The following TASP1 variants were observed in gnomAD, a reference collection of about 807,000 sequenced individuals.
TASP1 encodes taspase 1, also known as threonine aspartase 1.
Under a neutral mutation model 56.6 loss-of-function variants are expected in TASP1, and 16 were observed. That is an observed-to-expected ratio of 0.28 (90% CI 0.19 to 0.43). The LOEUF (loss-of-function observed/expected upper bound fraction) is 0.43. TASP1 is among the 20% of genes least tolerant of loss of function. The pLI, the probability that TASP1 is intolerant of heterozygous loss-of-function variation, is 1.00. For synonymous variants in TASP1, 179 were observed against 184.2 expected, an observed-to-expected ratio of 0.97 and a Z score of 0.23; for missense variants, 393 against 511.6, an observed-to-expected ratio of 0.77 and a Z score of 2.24.
intron 4 of TASP1, among the ~76,000 whole-genome samples, chr20:13,592,953 C>T (rs545773544): frequency 1.9e-4 from 29 of 152,020 alleles, no homozygotes; most frequent in Non-Finnish European, 3.5e-4. Context: ...AAGAACAATA[C>T]ATTATAGCCA....
intron 4 of TASP1, chr20:13,616,824 T>G: frequency 1.3e-5 from 4 of 301,472 alleles, no homozygotes; most frequent in South Asian, 1.1e-4. Context: ...GCATCAGTAC[T>G]CAAAAAAGTG....
At chr20:13,491,476 G>A (rs563156137) in intron 10 of TASP1, among the ~76,000 whole-genome samples, 1 of 152,266 alleles carries the variant, frequency 6.6e-6, no homozygotes, top group South Asian at 2.1e-4. Flanking sequence ...GAGTACACGA[G>A]TTGATCAGAG....
Position 13,469,153 on chromosome 20 carries a change from T to C in TASP1, c.985+14074A>G, listed in dbSNP as rs191446953. Reference sequence around the variant, plus strand: ...TTTTGTTTTGCCTTTGTTAGTACTATGCTTATTATTTGCTTTCCAACCAAA... The same window carrying C: ...TTTTGTTTTGCCTTTGTTAGTACTACGCTTATTATTTGCTTTCCAACCAAA... On this transcript the variant is annotated intron_variant, in intron 11 of 13. Coordinates refer to ENST00000337743, the MANE Select transcript of TASP1 (RefSeq NM_017714.3). Among the ~76,000 whole-genome samples the C allele has an allele frequency of 4.0e-3, 602 of 152,338 alleles. 4 individuals carry two copies. The highest frequency in any genetic ancestry group is 0.01 in the Middle Eastern group (3 of 294).
At chr20:13,117,441 G>A in the TASP1 span, 5 of 1,441,626 alleles carry the variant, frequency 3.5e-6, no homozygotes, top group Non-Finnish European at 4.7e-6. Flanking sequence ...TGTATTGATG[G>A]GGAAACTGAC....
chr20:13,449,408 C>T (rs2043533503), intron 11 of TASP1, among the ~76,000 whole-genome samples: 1 of 152,128 alleles, frequency 6.6e-6, no homozygotes, highest in South Asian at 2.1e-4. Context: ...ACTCTATTCA[C>T]TTTTACTTTG....
intron 11 of TASP1, among the ~76,000 whole-genome samples, chr20:13,465,944 C>T (rs989150123): frequency 7.9e-5 from 12 of 152,162 alleles, no homozygotes; most frequent in African/African-American, 2.4e-4. Flanking sequence ...AATACATGAA[C>T]TCACACATGA....
At chr20:13,556,212 T>A (rs2046151760) in intron 8 of TASP1, among the ~76,000 whole-genome samples, 2 of 152,174 alleles carry the variant, frequency 1.3e-5, no homozygotes, top group African/African-American at 4.8e-5. Context: ...AATTCCTCTC[T>A]CTTTCTTGCC....
chr20:13,586,923 T>C (rs2057259), intron 5 of TASP1, among the ~76,000 whole-genome samples: 63,004 of 151,850 alleles, frequency 0.41, 13,813 homozygotes, highest in East Asian at 0.56. Flanking sequence ...AAAAGATCTT[T>C]TGGAGGATCA....
the TASP1 span, among the ~76,000 whole-genome samples, chr20:13,285,451 A>T: frequency 6.6e-6 from 1 of 152,134 alleles, no homozygotes; most frequent in African/African-American, 2.4e-5. Context: ...CTCACTCACA[A>T]TGAGGGGTGC....
chr20:13,231,554 G>A, the TASP1 span, among the ~76,000 whole-genome samples: 1 of 152,346 alleles, frequency 6.6e-6, no homozygotes, highest in South Asian at 2.1e-4. Flanking sequence ...TCAACTCCCT[G>A]AGCACAGACC....
At chr20:13,596,842 A>G (rs1278161583) in intron 4 of TASP1, among the ~76,000 whole-genome samples, 1 of 152,228 alleles carries the variant, frequency 6.6e-6, no homozygotes, top group African/African-American at 2.4e-5. Flanking sequence ...AAAAAATGAT[A>G]AAGAAGATAT....
At chr20:13,444,673 ATTAAG>A (rs771015406) in intron 11 of TASP1, among the ~76,000 whole-genome samples, 2 of 152,238 alleles carry the variant, frequency 1.3e-5, no homozygotes, top group Non-Finnish European at 1.5e-5. Flanking sequence ...TAAGATGTAT[ATTAAG>A]TTAACTGCAT....
At chr20:13,391,488 C>G (rs1456579861) in intron 13 of TASP1, among the ~76,000 whole-genome samples, 1 of 152,166 alleles carries the variant, frequency 6.6e-6, no homozygotes, top group African/African-American at 2.4e-5. Context: ...TCTAAACGAG[C>G]TTTTCCTAAG....
At chr20:13,293,226 G>GA in the TASP1 span, among the ~76,000 whole-genome samples, 1 of 139,812 alleles carries the variant, frequency 7.2e-6, no homozygotes, top group Non-Finnish European at 1.6e-5. Context: ...AAAAAAAAAA[G>GA]AATTCTTCAT....
the TASP1 span, among the ~76,000 whole-genome samples, chr20:13,151,700 T>C: frequency 6.6e-6 from 1 of 152,220 alleles, no homozygotes; most frequent in Non-Finnish European, 1.5e-5. Flanking sequence ...CATTTAGGCC[T>C]GATGAGCAAA....
chr20:13,493,448 G>A (rs941356584), intron 10 of TASP1, among the ~76,000 whole-genome samples: 11 of 152,174 alleles, frequency 7.2e-5, no homozygotes, highest in African/African-American at 2.4e-4. Context: ...TGGGTCTTCT[G>A]GCTTTTCCCT....
At chr20:13,148,599 C>T in the TASP1 span, among the ~76,000 whole-genome samples, 1 of 152,190 alleles carries the variant, frequency 6.6e-6, no homozygotes, top group African/African-American at 2.4e-5. Context: ...ATTTGCCACA[C>T]CCAGTGAAGG....
intron 8 of TASP1, among the ~76,000 whole-genome samples, chr20:13,547,296 A>G (rs2045843645): frequency 1.3e-5 from 2 of 152,212 alleles, no homozygotes; most frequent in South Asian, 4.1e-4. Flanking sequence ...AAGAAATTTG[A>G]TCTGCATGGC....
the TASP1 span, among the ~76,000 whole-genome samples, chr20:13,366,617 A>G: frequency 2.0e-5 from 3 of 152,188 alleles, no homozygotes; most frequent in Admixed American, 2.0e-4. Context: ...TATGTGGTTG[A>G]TTTTTCTTTC....
Sources: gnomAD v4.1 joint callset for allele counts (sites outside exome capture counted in the v4.1 genomes callset) on GRCh38, gnomAD v4.1.1 for gene constraint, MANE v1.5 for transcripts, NCBI Gene and HGNC (gene_info 2026-07-23, HGNC 2026-07-21) for gene names.